The following SIAH1 variants were observed in gnomAD, a reference collection of about 807,000 sequenced individuals.
SIAH1 encodes siah E3 ubiquitin protein ligase 1.
In SIAH1, 2 loss-of-function variants were observed where a neutral mutation model predicts 20.0. That is an observed-to-expected ratio of 0.10 (90% CI 0.04 to 0.31). The LOEUF is 0.31. SIAH1 is among the 10% of genes least tolerant of loss of function. The pLI is 1.00. For missense variants in SIAH1, 119 were observed against 355.3 expected, an observed-to-expected ratio of 0.33 and a Z score of 5.35; for synonymous variants, 118 against 125.3, an observed-to-expected ratio of 0.94 and a Z score of 0.39.
At chr16:48,380,197 T>C (rs1038542661) in intron 1 of SIAH1, among the ~76,000 whole-genome samples, 2 of 152,046 alleles carry the variant, frequency 1.3e-5, no homozygotes, top group Admixed American at 6.6e-5. Context: ...ATCCCAGCAC[T>C]TTGGGAGGCT....
intron 1 of SIAH1, among the ~76,000 whole-genome samples, chr16:48,371,883 T>C (rs992754188): frequency 1.3e-5 from 2 of 152,222 alleles, no homozygotes; most frequent in Admixed American, 6.5e-5. Flanking sequence ...TACTCCATCT[T>C]GGCATTTAAG....
At chr16:48,372,513 G>A (rs977521368) in intron 1 of SIAH1, among the ~76,000 whole-genome samples, 1 of 152,096 alleles carries the variant, frequency 6.6e-6, no homozygotes, top group Non-Finnish European at 1.5e-5. Context: ...GAATACACCT[G>A]TTAGCCATGT....
intron 1 of SIAH1, among the ~76,000 whole-genome samples, chr16:48,366,544 T>C (rs918700160): frequency 5.3e-5 from 8 of 152,228 alleles, no homozygotes; most frequent in Admixed American, 4.6e-4. Context: ...GGGAAAGCCA[T>C]CTTAAATGGC....
In SIAH1 at chr16:48,381,252, C is replaced by G. The variant is rs542448443; in HGVS notation, c.-3+3952G>C. The stretch of plus-strand genomic sequence containing the variant: ...CCCAGCTACTCAGGAGACTGAGGCA[C>G]GAGAATCACTTGAACCCAGGAGGTG... On this transcript the variant is annotated intron_variant, in intron 1 of 1. Transcript: ENST00000394725. Among the ~76,000 whole-genome samples, 88 of 152,044 alleles carry G rather than the reference C, an allele frequency of 5.8e-4. No homozygotes were observed. In the Middle Eastern group the frequency reaches 0.01, roughly 18 times the overall value.
At chr16:48,372,512 T>G (rs8061436) in intron 1 of SIAH1, among the ~76,000 whole-genome samples, 2,565 of 152,322 alleles carry the variant, frequency 0.017, 72 homozygotes, top group African/African-American at 0.058. Flanking sequence ...TGAATACACC[T>G]GTTAGCCATG....
intron 1 of SIAH1, among the ~76,000 whole-genome samples, 180 bp downstream of exon 1, chr16:48,385,023 CG>C (rs1961412704): frequency 6.8e-6 from 1 of 147,674 alleles, no homozygotes; most frequent in Admixed American, 6.7e-5. Context: ...AGGGGAGGGG[CG>C]GGGGGCGGCG....
In SIAH1 at chr16:48,361,301, C is replaced by A; in HGVS notation, c.*279G>T. On this transcript the variant is annotated 3_prime_UTR_variant, in exon 2 of 2. Coordinates refer to ENST00000394725, the MANE Select transcript of SIAH1 (RefSeq NM_003031.4). ...ATCAATCTACAACAAACACAAAACT[C>A]AGAATTATTTTACAATGCTTCCTTT... The A allele has an allele frequency of 2.9e-6, 1 of 344,858 alleles. No homozygotes were observed. The allele number at this position is 344,858 out of a possible 1,614,324, so 21.4% of individuals were successfully genotyped here. A position where few individuals can be genotyped will look rare whatever the true frequency, so the allele number is the denominator to read the frequency against.
intron 1 of SIAH1, among the ~76,000 whole-genome samples, chr16:48,376,252 A>T (rs1379222947): frequency 6.6e-6 from 1 of 152,212 alleles, no homozygotes; most frequent in African/African-American, 2.4e-5. Flanking sequence ...GGCAACAAAA[A>T]ATATTACACT....
intron 1 of SIAH1, among the ~76,000 whole-genome samples, chr16:48,370,126 T>A (rs1187183043): frequency 6.6e-6 from 1 of 152,256 alleles, no homozygotes; most frequent in Non-Finnish European, 1.5e-5. Flanking sequence ...AACCTTCTGA[T>A]ATGCTAAAGC....
chr16:48,383,711 C>T (rs568738640), intron 1 of SIAH1, among the ~76,000 whole-genome samples: 1 of 152,114 alleles, frequency 6.6e-6, no homozygotes, highest in Non-Finnish European at 1.5e-5. Flanking sequence ...TTCCAAAATG[C>T]CACCATCTCA....
At chr16:48,383,045 C>A (rs1300537509) in intron 1 of SIAH1, among the ~76,000 whole-genome samples, 1 of 152,176 alleles carries the variant, frequency 6.6e-6, no homozygotes, top group Non-Finnish European at 1.5e-5. Context: ...TTCGTAAGAA[C>A]TTCCCGAAGC....
rs775342149 is a variant in SIAH1, at chr16:48,362,582, AAAAAT to A, written c.-2-157_-2-153del. The A allele has an allele frequency of 3.6e-4, 269 of 757,390 alleles. No individual in the cohort carries two copies. The highest frequency in any genetic ancestry group is 5.2e-4 in the Non-Finnish European group (243 of 469,990). The allele number at this position is 757,390 out of a possible 1,614,324, so 46.9% of individuals were successfully genotyped here. A position where few individuals can be genotyped will look rare whatever the true frequency, so the allele number is the denominator to read the frequency against. On this transcript the variant is annotated intron_variant, in intron 1 of 1. Transcript: ENST00000394725. The surrounding 1 kb of genome is among the most constrained non-coding windows in gnomAD (Gnocchi z 4.2). The stretch of plus-strand genomic sequence containing the variant: ...AAAATAGGATTAAAAAAGATATTAA[AAAAAT>A]AAAATTACACTGAATGTGCACTTTA...
chr16:48,379,200 CTTAA>C (rs1961190614), intron 1 of SIAH1, among the ~76,000 whole-genome samples: 1 of 151,236 alleles, frequency 6.6e-6, no homozygotes, highest in Non-Finnish European at 1.5e-5. Context: ...CTCTTAGCCA[CTTAA>C]TTATACTGAC....
intron 1 of SIAH1, among the ~76,000 whole-genome samples, chr16:48,377,288 A>G (rs1366321280): frequency 6.6e-6 from 1 of 152,246 alleles, no homozygotes; most frequent in Non-Finnish European, 1.5e-5. Flanking sequence ...AAAACAAGTC[A>G]GTTCAAACAT....
Position 48,362,279 on chromosome 16 carries a change from C to A in SIAH1, c.150G>T (p.Pro50=). ...GGCCACTCTGACATTGAAGAATGGG[C>A]GGTAACACATAGTCAAAGCAGACTG... The part of the protein sequence containing the change: ...ECPVCFDYVL[P]PILQCQSGHL... The change falls in exon 2 of 2, where the codon CCG becomes CCT. Residue 50 remains proline (P), a synonymous_variant. Coordinates refer to ENST00000394725, the MANE Select transcript of SIAH1 (RefSeq NM_003031.4). The surrounding 1 kb of genome is among the most constrained non-coding windows in gnomAD (Gnocchi z 4.2). 1 of 1,614,108 alleles carries A rather than the reference C, an allele frequency of 6.2e-7. No homozygotes were observed. The highest frequency in any genetic ancestry group is 8.5e-7 in the Non-Finnish European group (1 of 1,180,030).
At chr16:48,378,294 C>G (rs956130658) in intron 1 of SIAH1, among the ~76,000 whole-genome samples, 1 of 152,066 alleles carries the variant, frequency 6.6e-6, no homozygotes, top group Non-Finnish European at 1.5e-5. Flanking sequence ...TGGAGGTTGC[C>G]GTGAGCCAAG....
At chr16:48,365,445 G>T in intron 1 of SIAH1, 1 of 1,613,936 alleles carries the variant, frequency 6.2e-7, no homozygotes, top group South Asian at 1.1e-5. Context: ...CCCTCCAGGA[G>T]TACAGAGAAG....
intron 1 of SIAH1, chr16:48,363,208 T>C (rs925188510): frequency 1.2e-5 from 2 of 167,034 alleles, no homozygotes; most frequent in East Asian, 1.9e-4. Context: ...CACCTTCCAT[T>C]AACTCTTCTT....
rs150834464 is a variant in SIAH1 at position 48,366,709 on chromosome 16, A to G, written c.-2-4279T>C. Among the ~76,000 whole-genome samples, 475 of 152,336 alleles carry G rather than the reference A, an allele frequency of 3.1e-3. 3 individuals are homozygous for G. The highest frequency in any genetic ancestry group is 0.011 in the African/African-American group (450 of 41,570). On this transcript the variant is annotated intron_variant, in intron 1 of 1. Coordinates refer to ENST00000394725, the MANE Select transcript of SIAH1 (RefSeq NM_003031.4). ...CTTAGGGCAGCCTCAAAATGCAGCA[A>G]GAGTTGGCAGTGAGGAGTGAACCCA...
Sources: gnomAD v4.1 joint callset for allele counts (sites outside exome capture counted in the v4.1 genomes callset) on GRCh38, gnomAD v4.1.1 for gene constraint, Gnocchi (gnomAD v3.1) non-coding constraint, MANE v1.5 for transcripts, NCBI Gene and HGNC (gene_info 2026-07-23, HGNC 2026-07-21) for gene names.